Variants in PLXNC1 observed in about 807,000 individuals in gnomAD.
PLXNC1 encodes the protein plexin-C1.
A neutral mutation model predicts 178.2 loss-of-function variants in PLXNC1; 75 were observed. The ratio of observed to expected loss-of-function variants is 0.42; its 90% CI spans 0.35 to 0.51. The LOEUF is 0.51. Among genes scored for constraint, PLXNC1 ranks in the 20% least tolerant of loss-of-function variants. PLXNC1 has a pLI of 0.02. For missense variants in PLXNC1, 1,503 were observed against 1,984.4 expected (o/e 0.76, Z 4.61); for synonymous variants, 790 against 779.9 (o/e 1.01, Z -0.22).
At chr12:94,218,122 G>A (rs906487241) in intron 5 of PLXNC1, among the ~76,000 whole-genome samples, 9 of 152,178 alleles carry the variant, frequency 5.9e-5, no homozygotes, top group East Asian at 1.9e-4. Context: ...TAAATGCTGC[G>A]TTGAAGATTG....
intron 23 of PLXNC1, among the ~76,000 whole-genome samples, chr12:94,293,994 G>A (rs577124707): frequency 7.9e-5 from 12 of 152,122 alleles, no homozygotes; most frequent in African/African-American, 2.9e-4. Flanking sequence ...CCTCCCAAAG[G>A]CCCTACCTCC....
chr12:94,256,098 G>A (rs531458411), intron 17 of PLXNC1: 1 of 152,170 alleles, frequency 6.6e-6, no homozygotes, highest in African/African-American at 2.4e-5. Flanking sequence ...CTTTTTTGCG[G>A]TATGATGACC....
chr12:94,200,962 G>A (rs1439051048), intron 4 of PLXNC1, among the ~76,000 whole-genome samples: 1 of 152,164 alleles, frequency 6.6e-6, no homozygotes, highest in Non-Finnish European at 1.5e-5. Context: ...GACTTCTGCT[G>A]GTATCACTGA....
chr12:94,217,489 A>G (rs758211587), intron 5 of PLXNC1, among the ~76,000 whole-genome samples: 1 of 152,098 alleles, frequency 6.6e-6, no homozygotes, highest in Non-Finnish European at 1.5e-5. Context: ...CCCATACCCA[A>G]CTTGACACAT....
intron 4 of PLXNC1, among the ~76,000 whole-genome samples, chr12:94,197,544 C>T (rs1292291435): frequency 6.6e-6 from 1 of 152,026 alleles, no homozygotes. Flanking sequence ...GGCCCCTTGA[C>T]CCTGGACTGC....
intron 9 of PLXNC1, among the ~76,000 whole-genome samples, chr12:94,234,667 A>T (rs1964194350): frequency 6.6e-6 from 1 of 152,200 alleles, no homozygotes; most frequent in Admixed American, 6.5e-5. Flanking sequence ...TTGGACATAG[A>T]GTGAGGGAGG....
chr12:94,163,704 A>G (rs1334693769), intron 1 of PLXNC1, among the ~76,000 whole-genome samples: 2 of 152,120 alleles, frequency 1.3e-5, no homozygotes, highest in Non-Finnish European at 2.9e-5. Context: ...TTTCTGGTCT[A>G]GAGGCTGCCC....
At position 94,279,525 on chromosome 12, in the gene PLXNC1, T is replaced by C; in HGVS notation, c.3651T>C (p.Cys1217=). 5 of 1,614,206 alleles carry C rather than the reference T, an allele frequency of 3.1e-6. No individual in the cohort carries two copies. Among genetic ancestry groups the C allele is most frequent in the Non-Finnish European group, 4.2e-6 (5 of 1,180,016 alleles). Residue 1217 remains cysteine, a synonymous_variant, in exon 22 of 31, where the codon TGT becomes TGC. Transcript: ENST00000258526. ...CGGAAAACGAGAGTGCAGATGTCTGTCGGAATATTTCAGTCAATGTTCTCG... is the reference window on the plus strand; with the variant it reads ...CGGAAAACGAGAGTGCAGATGTCTGCCGGAATATTTCAGTCAATGTTCTCG... ...KIPENESADV[C]RNISVNVLDC...
At chr12:94,197,389 T>G (rs527323308) in intron 4 of PLXNC1, among the ~76,000 whole-genome samples, 1 of 151,610 alleles carries the variant, frequency 6.6e-6, no homozygotes, top group East Asian at 2.0e-4. Flanking sequence ...AGGAGTGGGT[T>G]ACTTATCACA....
At chr12:94,186,790 C>T (rs1962526474) in intron 4 of PLXNC1, 1 of 257,404 alleles carries the variant, frequency 3.9e-6, no homozygotes, top group Non-Finnish European at 7.8e-6. Flanking sequence ...AAGAGAGAGG[C>T]AAAAGGGCCC....
rs1968691134 is a variant in PLXNC1 at position 94,303,656 on chromosome 12, G to A, written c.4387-100G>A. 18 of 1,050,970 alleles carry A rather than the reference G, an allele frequency of 1.7e-5. No individual in the cohort carries two copies. The South Asian group carries it at 3.5e-4, about 20-fold the overall frequency. 65.1% of individuals were successfully genotyped at this position (1,050,970 alleles called of 1,614,324 possible). A position where few individuals can be genotyped will look rare whatever the true frequency, so the allele number is the denominator to read the frequency against. On this transcript the variant is annotated intron_variant, in intron 28 of 30. Transcript: ENST00000258526. The stretch of plus-strand genomic sequence containing the variant: ...AAGAGGTAAAACTGGTTGGTGGTGG[G>A]GGTTCAGCTACATTGGAATATTATA...
intron 3 of PLXNC1, among the ~76,000 whole-genome samples, chr12:94,184,116 T>C (rs1289100151): frequency 2.7e-5 from 1 of 36,928 alleles, no homozygotes; most frequent in Non-Finnish European, 6.5e-5. Context: ...GTGTCCTCTC[T>C]CTCTCTCTCT....
At chr12:94,263,860 G>A (rs934620458) in intron 20 of PLXNC1, among the ~76,000 whole-genome samples, 2 of 152,090 alleles carry the variant, frequency 1.3e-5, no homozygotes, top group African/African-American at 4.8e-5. Flanking sequence ...GACTGGGGAG[G>A]GCAGATATTC....
chr12:94,252,616 T>C (rs951827246), intron 15 of PLXNC1, among the ~76,000 whole-genome samples: 1 of 152,182 alleles, frequency 6.6e-6, no homozygotes, highest in Admixed American at 6.5e-5. Context: ...ATTTAAAAAT[T>C]AGTGATTCAC....
At chr12:94,177,681 T>C (rs1795892804) in intron 2 of PLXNC1, among the ~76,000 whole-genome samples, 1 of 152,038 alleles carries the variant, frequency 6.6e-6, no homozygotes, top group Non-Finnish European at 1.5e-5. Context: ...GATGCTTCAT[T>C]TCCAAGGTAC....
At chr12:94,274,709 A>C (rs1448244322) in intron 21 of PLXNC1, among the ~76,000 whole-genome samples, 1 of 152,180 alleles carries the variant, frequency 6.6e-6, no homozygotes, top group Non-Finnish European at 1.5e-5. Flanking sequence ...TTTACAAAAC[A>C]TTCTTGTACT....
intron 1 of PLXNC1, among the ~76,000 whole-genome samples, chr12:94,150,336 C>T (rs1181379246): frequency 3.9e-5 from 6 of 152,182 alleles, no homozygotes; most frequent in Non-Finnish European, 7.3e-5. Context: ...CAAACGGGGA[C>T]GCTTGTTTGG....
At chr12:94,174,910 C>T (rs1961990276) in intron 2 of PLXNC1, among the ~76,000 whole-genome samples, 1 of 152,240 alleles carries the variant, frequency 6.6e-6, no homozygotes, top group South Asian at 2.1e-4. Flanking sequence ...CAGTTTGAAA[C>T]TTTTAGTCCC....
intron 28 of PLXNC1, among the ~76,000 whole-genome samples, chr12:94,302,232 C>T (rs552151147): frequency 8.5e-5 from 13 of 152,298 alleles, no homozygotes; most frequent in South Asian, 8.3e-4. Context: ...TTTTCTTGCA[C>T]GCCCCACATA....
Sources: allele counts gnomAD v4.1 joint callset (sites outside exome capture counted in the v4.1 genomes callset), GRCh38; gene constraint gnomAD v4.1.1; transcripts MANE v1.5; gene names NCBI Gene and HGNC (gene_info 2026-07-23, HGNC 2026-07-21).